VPS13B: variants seen among roughly 807,000 people sequenced by gnomAD.
The protein encoded by VPS13B is vacuolar protein sorting 13 homolog B.
A neutral mutation model predicts 426.4 loss-of-function variants in VPS13B; 285 were observed. That is an observed-to-expected ratio of 0.67 (90% CI 0.61 to 0.74). The LOEUF (loss-of-function observed/expected upper bound fraction) is 0.74, where lower values mean the gene tolerates loss of function less well. VPS13B is among the 30% of genes least tolerant of loss of function. The probability of loss-of-function intolerance (pLI) is 0.00; values close to 1 mark genes in which losing one functional copy is unlikely to be tolerated. For missense variants in VPS13B, 4,537 were observed against 4,782.6 expected (o/e 0.95, Z 1.51); for synonymous variants, 1,676 against 1,676.4 (o/e 1.00, Z 0.01).
intron 17 of VPS13B, among the ~76,000 whole-genome samples, chr8:99,240,258 A>T (rs1395353564): frequency 1.3e-5 from 2 of 152,222 alleles, no homozygotes; most frequent in Non-Finnish European, 2.9e-5. Flanking sequence ...AAGAATATTA[A>T]TAAGGCCTCA....
intron 17 of VPS13B, among the ~76,000 whole-genome samples, chr8:99,195,739 A>G (rs1384156821): frequency 6.6e-6 from 1 of 152,080 alleles, no homozygotes; most frequent in Non-Finnish European, 1.5e-5. Context: ...GTTTTTCCTC[A>G]TGGTGTTAGA....
At chr8:99,833,371 C>A (rs1240673078) in intron 52 of VPS13B, among the ~76,000 whole-genome samples, 1 of 152,030 alleles carries the variant, frequency 6.6e-6, no homozygotes, top group African/African-American at 2.4e-5. Flanking sequence ...CATATTGTGC[C>A]CTTATGATAA....
chr8:99,511,968 T>C (rs944380206), intron 29 of VPS13B, among the ~76,000 whole-genome samples: 1 of 152,280 alleles, frequency 6.6e-6, no homozygotes, highest in East Asian at 1.9e-4. Flanking sequence ...TGAGACCCCA[T>C]CTGTACAGAA....
intron 19 of VPS13B, chr8:99,347,790 G>A (rs998157907): frequency 6.6e-6 from 1 of 152,244 alleles, no homozygotes; most frequent in Non-Finnish European, 1.5e-5. Context: ...GAAGAATCCT[G>A]GGGTATATGT....
intron 17 of VPS13B, among the ~76,000 whole-genome samples, chr8:99,249,671 C>T (rs547585531): frequency 1.1e-4 from 16 of 152,176 alleles, no homozygotes; most frequent in Non-Finnish European, 2.1e-4. Flanking sequence ...GATCCACCCA[C>T]CTTGGCCTCC....
intron 19 of VPS13B, among the ~76,000 whole-genome samples, chr8:99,339,182 T>C (rs1811094763): frequency 6.6e-6 from 1 of 152,232 alleles, no homozygotes; most frequent in South Asian, 2.1e-4. Flanking sequence ...TTTGAACATT[T>C]ATTTAATATT....
At chr8:99,630,615 G>A (rs914893287) in intron 33 of VPS13B, among the ~76,000 whole-genome samples, 2 of 120,378 alleles carry the variant, frequency 1.7e-5, no homozygotes, top group African/African-American at 6.2e-5. Context: ...CCTTCCTTCC[G>A]TAAAGATTTA....
intron 17 of VPS13B, among the ~76,000 whole-genome samples, chr8:99,267,347 C>A (rs942300647): frequency 6.6e-6 from 1 of 152,116 alleles, no homozygotes; most frequent in Non-Finnish European, 1.5e-5. Context: ...TTTGGGGTAT[C>A]TGGCAGAAGA....
intron 52 of VPS13B, 41 bp from the exon 53 acceptor site, chr8:99,835,156 T>A: frequency 4.3e-6 from 7 of 1,613,530 alleles, no homozygotes; most frequent in Non-Finnish European, 5.9e-6. Flanking sequence ...ATTCATTTTT[T>A]TTCCTAAACA....
chr8:99,259,202 A>G (rs1041443801), intron 17 of VPS13B, among the ~76,000 whole-genome samples: 2 of 152,054 alleles, frequency 1.3e-5, no homozygotes, highest in African/African-American at 2.4e-5. Context: ...GATGTGTTTA[A>G]TTTCTTTGCA....
chr8:99,675,412 A>G (rs1272107005), intron 35 of VPS13B, among the ~76,000 whole-genome samples: 2 of 152,176 alleles, frequency 1.3e-5, no homozygotes, highest in Non-Finnish European at 1.5e-5. Flanking sequence ...TTTGATTGTA[A>G]TATGTCTTTG....
At chr8:99,767,665 G>A (rs1479157489) in intron 40 of VPS13B, among the ~76,000 whole-genome samples, 2 of 152,074 alleles carry the variant, frequency 1.3e-5, no homozygotes, top group East Asian at 1.9e-4. Flanking sequence ...ACAGTGGCTC[G>A]CAGTTGTAAT....
intron 35 of VPS13B, among the ~76,000 whole-genome samples, chr8:99,684,135 C>A (rs777616452): frequency 8.5e-5 from 13 of 152,160 alleles, no homozygotes; most frequent in Non-Finnish European, 1.9e-4. Flanking sequence ...TTGATCAAGG[C>A]TTATAGTCCT....
intron 8 of VPS13B, among the ~76,000 whole-genome samples, chr8:99,131,810 C>T (rs1355256482): frequency 2.6e-5 from 4 of 152,076 alleles, no homozygotes; most frequent in Non-Finnish European, 5.9e-5. Flanking sequence ...AATAAGACAG[C>T]AATGAAGTGT....
At chr8:99,150,970 A>T (rs930605130) in intron 14 of VPS13B, among the ~76,000 whole-genome samples, 1 of 152,234 alleles carries the variant, frequency 6.6e-6, no homozygotes, top group African/African-American at 2.4e-5. Context: ...TTGTCTTCCA[A>T]AGTGGCTGTA....
intron 3 of VPS13B, among the ~76,000 whole-genome samples, chr8:99,062,760 C>T (rs540299072): frequency 7.7e-4 from 118 of 152,282 alleles, no homozygotes; most frequent in Middle Eastern, 3.4e-3. Context: ...TAAGCCACCA[C>T]GCCTGGCCTA....
intron 16 of VPS13B, among the ~76,000 whole-genome samples, chr8:99,185,994 G>A (rs1813200314): frequency 1.3e-5 from 2 of 151,972 alleles, no homozygotes; most frequent in South Asian, 2.1e-4. Flanking sequence ...AATTTATCCT[G>A]GAGTTTGTCC....
At chr8:99,784,199 A>G (rs1812149306) in intron 42 of VPS13B, 116 bp from the exon 43 acceptor site, 3 of 1,312,212 alleles carry the variant, frequency 2.3e-6, no homozygotes, top group Non-Finnish European at 3.3e-6. Context: ...ACCAGAGCTA[A>G]TGACAACAGA....
intron 34 of VPS13B, among the ~76,000 whole-genome samples, chr8:99,653,263 T>G (rs906582405): frequency 1.3e-5 from 2 of 152,228 alleles, no homozygotes; most frequent in Non-Finnish European, 2.9e-5. Context: ...GAAACTTTCA[T>G]TTTTAGACAC....
Sources: allele counts gnomAD v4.1 joint callset (sites outside exome capture counted in the v4.1 genomes callset), GRCh38; gene constraint gnomAD v4.1.1; transcripts MANE v1.5; gene names NCBI Gene and HGNC (gene_info 2026-07-23, HGNC 2026-07-21).